CAAP1: variants seen among roughly 807,000 people sequenced by gnomAD.
CAAP1 encodes the protein conserved anti-apoptotic protein.
CAAP1 carries 20 observed loss-of-function variants against 34.0 expected under a neutral mutation model. That is an observed-to-expected ratio of 0.59 (90% CI 0.41 to 0.86). CAAP1 has a LOEUF of 0.86. Ranked by LOEUF, CAAP1 falls within the 40% of genes least tolerant of loss-of-function variation. The pLI is 0.00. For missense variants in CAAP1, 538 were observed against 450.5 expected, an observed-to-expected ratio of 1.19 and a Z score of -1.76; for synonymous variants, 213 against 166.7, an observed-to-expected ratio of 1.28 and a Z score of -2.14.
rs1156752746 is a variant in CAAP1 at position 26,842,145 on chromosome 9, TAAAAAG to T, written c.*150_*155del. ...TATAATATAAAAGTAGTCAAAAAAA[TAAAAAG>T]AAACAGCCACAGGTAATTTAGGGCT... On this transcript the variant is annotated 3_prime_UTR_variant, in exon 6 of 6. Coordinates refer to ENST00000333916, the MANE Select transcript of CAAP1 (RefSeq NM_024828.4). 3.5e-6 allele frequency: 2 copies of T among 575,796 alleles called. No individual in the cohort carries two copies. Among genetic ancestry groups the T allele is most frequent in the East Asian group, 2.9e-5 (1 of 34,098 alleles). The allele number at this position is 575,796 out of a possible 1,614,324, so 35.7% of individuals were successfully genotyped here.
intron 4 of CAAP1, among the ~76,000 whole-genome samples, chr9:26,862,697 G>C (rs1389797199): frequency 6.6e-6 from 1 of 152,122 alleles, no homozygotes; most frequent in Non-Finnish European, 1.5e-5. Context: ...ACTGACCTGA[G>C]ACTGCTGAAC....
intron 4 of CAAP1, among the ~76,000 whole-genome samples, chr9:26,876,077 T>C (rs979036163): frequency 2.0e-5 from 3 of 152,214 alleles, no homozygotes; most frequent in African/African-American, 4.8e-5. Context: ...TCTTAAGAAC[T>C]AGAATGAAGT....
intron 3 of CAAP1, among the ~76,000 whole-genome samples, chr9:26,885,899 T>A (rs1182745764): frequency 1.3e-5 from 2 of 152,180 alleles, no homozygotes; most frequent in African/African-American, 4.8e-5. Context: ...ACACTTGACC[T>A]GGAAAAACAA....
chr9:26,879,529 C>T (rs557986668), intron 4 of CAAP1, among the ~76,000 whole-genome samples: 2 of 152,274 alleles, frequency 1.3e-5, no homozygotes, highest in Non-Finnish European at 2.9e-5. Flanking sequence ...TTGAAGGATG[C>T]AAAGTATTGT....
At chr9:26,877,814 C>G (rs1823480473) in intron 4 of CAAP1, among the ~76,000 whole-genome samples, 1 of 151,838 alleles carries the variant, frequency 6.6e-6, no homozygotes, top group African/African-American at 2.4e-5. Flanking sequence ...GAAAAATTTT[C>G]CTGTATTTAT....
intron 4 of CAAP1, among the ~76,000 whole-genome samples, chr9:26,869,753 A>C (rs17755887): frequency 6.6e-6 from 1 of 152,208 alleles, no homozygotes; most frequent in Admixed American, 6.5e-5. Flanking sequence ...GGAGAGGTAC[A>C]TGGGCATTAT....
At chr9:26,882,731 A>C (rs1460180988) in intron 4 of CAAP1, among the ~76,000 whole-genome samples, 2 of 152,172 alleles carry the variant, frequency 1.3e-5, no homozygotes, top group African/African-American at 4.8e-5. Context: ...GAAAAGCCTC[A>C]GACACTCAAC....
intron 4 of CAAP1, among the ~76,000 whole-genome samples, chr9:26,865,524 CA>C (rs200010318): frequency 0.15 from 20,553 of 134,004 alleles, 2,320 homozygotes; most frequent in East Asian, 0.67. Context: ...AACTATGTCT[CA>C]AAAAAAAAAA....
At chr9:26,883,898 G>A (rs371852226) in intron 4 of CAAP1, among the ~76,000 whole-genome samples, 5 of 152,210 alleles carry the variant, frequency 3.3e-5, no homozygotes, top group African/African-American at 1.2e-4. Flanking sequence ...CATTAAAAAT[G>A]TGTACATTTT....
chr9:26,857,088 A>C (rs919561784), intron 5 of CAAP1, among the ~76,000 whole-genome samples: 5 of 151,734 alleles, frequency 3.3e-5, no homozygotes, highest in Admixed American at 6.6e-5. Flanking sequence ...TACCTTCAAC[A>C]GTTTTTATTT....
In CAAP1 at chr9:26,886,090, A is replaced by C; in HGVS notation, c.589+14T>G. 7.2e-7 allele frequency: 1 copy of C among 1,398,260 alleles called. No individual in the cohort carries two copies. The highest frequency in any genetic ancestry group is 1.4e-5 in the South Asian group (1 of 70,838). The allele number at this position is 1,398,260 out of a possible 1,614,324, so 86.6% of individuals were successfully genotyped here. A position where few individuals can be genotyped will look rare whatever the true frequency, so the allele number is the denominator to read the frequency against. On this transcript the variant is annotated intron_variant, in intron 3 of 5. Transcript: ENST00000333916. ...ACTAAGAAGTTGCCAGAATGTAAAA[A>C]TATGTATTCTTACCCTCAAGAATCT...
At chr9:26,843,747 A>T (rs1373199855) in intron 5 of CAAP1, among the ~76,000 whole-genome samples, 3 of 152,296 alleles carry the variant, frequency 2.0e-5, no homozygotes, top group African/African-American at 4.8e-5. Context: ...CAGGAAGGAC[A>T]TAAACAATTA....
At chr9:26,852,343 TAC>T (rs1822772554) in intron 5 of CAAP1, among the ~76,000 whole-genome samples, 1 of 151,946 alleles carries the variant, frequency 6.6e-6, no homozygotes, top group Non-Finnish European at 1.5e-5. Context: ...TAATCCCAAC[TAC>T]TCAGGAGGCT....
At position 26,842,622 on chromosome 9, in the gene CAAP1, G is replaced by A; in HGVS notation, c.765C>T (p.Leu255=). Residue 255 remains leucine (L), a synonymous_variant, in exon 6 of 6, where the codon CTC becomes CTT. Coordinates refer to ENST00000333916, the MANE Select transcript of CAAP1 (RefSeq NM_024828.4). ...KQGKGEDSDV[L]SINADAYDSD... The stretch of plus-strand genomic sequence containing the variant: ...TGTCATAAGCATCTGCATTTATACT[G>A]AGTACATCACTATCTTCCCCTTTTC... 1 of 1,612,068 alleles carries A rather than the reference G, an allele frequency of 6.2e-7. No individual in the cohort carries two copies.
intron 1 of CAAP1, among the ~76,000 whole-genome samples, chr9:26,889,630 G>A (rs1049719130): frequency 5.3e-5 from 8 of 151,616 alleles, no homozygotes; most frequent in Admixed American, 3.3e-4. Flanking sequence ...CGAGGTGGGA[G>A]GCTGAGGGGG....
rs199844079 is a variant in CAAP1, at chr9:26,892,488, C to T, written c.228G>A (p.Gly76=). ...GGGSGGSCWG[G]SSVERSERRK... ...GGCGCTCGCTGCGCTCCACGCTGCT[C>T]CCGCCCCAACAGCTGCCGCCGCTCC... Residue 76 remains glycine (G), a synonymous_variant, in exon 1 of 6, where the codon GGG becomes GGA. Coordinates refer to ENST00000333916, the MANE Select transcript of CAAP1 (RefSeq NM_024828.4). 1 of 1,566,702 alleles carries T rather than the reference C, an allele frequency of 6.4e-7. No individual in the cohort carries two copies. Among genetic ancestry groups the T allele is most frequent in the Non-Finnish European group, 8.7e-7 (1 of 1,155,782 alleles).
intron 3 of CAAP1, 165 bp from the exon 4 acceptor site, chr9:26,885,050 T>C: frequency 1.8e-6 from 1 of 545,738 alleles, no homozygotes; most frequent in Non-Finnish European, 3.2e-6. Context: ...ATTTTTTCAA[T>C]GCCTTATTAG....
At chr9:26,867,051 T>C (rs928970742) in intron 4 of CAAP1, among the ~76,000 whole-genome samples, 1 of 152,114 alleles carries the variant, frequency 6.6e-6, no homozygotes, top group Non-Finnish European at 1.5e-5. Flanking sequence ...GTGAACCCTA[T>C]TGTGAACTGC....
At chr9:26,847,150 T>C (rs1287137774) in intron 5 of CAAP1, among the ~76,000 whole-genome samples, 2 of 150,480 alleles carry the variant, frequency 1.3e-5, no homozygotes, top group Admixed American at 6.6e-5. Flanking sequence ...CTAGCTTCTT[T>C]TATAGACAGA....
Sources: allele counts gnomAD v4.1 joint callset (sites outside exome capture counted in the v4.1 genomes callset), GRCh38; gene constraint gnomAD v4.1.1; transcripts MANE v1.5; gene names NCBI Gene and HGNC (gene_info 2026-07-23, HGNC 2026-07-21).